Variants in MGMT observed in about 807,000 individuals in gnomAD.
MGMT encodes O-6-methylguanine-DNA methyltransferase.
MGMT carries 14 observed loss-of-function variants against 15.9 expected under a neutral mutation model. That is an observed-to-expected ratio of 0.88 (90% confidence interval 0.58 to 1.37). The LOEUF is 1.37. MGMT is among the 40% of genes most tolerant of loss of function. The pLI is 0.00. For missense variants in MGMT, 282 were observed against 268.1 expected, an observed-to-expected ratio of 1.05 and a Z score of -0.36; for synonymous variants, 130 against 118.2, an observed-to-expected ratio of 1.10 and a Z score of -0.65.
chr10:129,767,470 G>A lies in MGMT; in HGVS notation c.*473G>A, dbSNP rs899206503. The A allele has an allele frequency of 6.5e-6, 1 of 153,736 alleles. No homozygotes were observed. Among genetic ancestry groups the A allele is most frequent in the Non-Finnish European group, 1.4e-5 (1 of 69,186 alleles). 9.5% of individuals were successfully genotyped at this position (153,736 alleles called of 1,614,324 possible). On this transcript the variant is annotated 3_prime_UTR_variant, in exon 5 of 5. Coordinates refer to ENST00000651593, the MANE Select transcript of MGMT (RefSeq NM_002412.5). The stretch of plus-strand genomic sequence containing the variant: ...GCAGTTCCTAGCATCCCACACCCAG[G>A]TCTCACTGAAAGAAAGGGGAACAGG...
intron 3 of MGMT, among the ~76,000 whole-genome samples, chr10:129,747,562 C>A (rs531965007): frequency 6.6e-6 from 1 of 152,164 alleles, no homozygotes; most frequent in Admixed American, 6.5e-5. Flanking sequence ...TCTGATACTG[C>A]ACACCTATTT....
chr10:129,512,530 C>T (rs1286736892), intron 1 of MGMT, among the ~76,000 whole-genome samples: 1 of 152,106 alleles, frequency 6.6e-6, no homozygotes, highest in Non-Finnish European at 1.5e-5. Flanking sequence ...CTTTCATCAT[C>T]AGAGGAATGG....
chr10:129,679,166 G>T (rs1479247325), intron 2 of MGMT, among the ~76,000 whole-genome samples: 1 of 152,076 alleles, frequency 6.6e-6, no homozygotes, highest in African/African-American at 2.4e-5. Context: ...CAAGCAAGCA[G>T]TTCAGATTAA....
intron 2 of MGMT, among the ~76,000 whole-genome samples, chr10:129,598,604 A>G (rs1846780964): frequency 1.3e-5 from 2 of 152,340 alleles, no homozygotes; most frequent in South Asian, 4.1e-4. Flanking sequence ...GTGCTGCCCG[A>G]TTACTAAGCA....
At chr10:129,719,780 G>A (rs779604541) in intron 3 of MGMT, among the ~76,000 whole-genome samples, 1 of 152,168 alleles carries the variant, frequency 6.6e-6, no homozygotes, top group Non-Finnish European at 1.5e-5. Context: ...GCAGAACATA[G>A]TTTAGCCCAT....
Position 129,769,477 on chromosome 10 carries a change from C to T in MGMT, c.*2480C>T, listed in dbSNP as rs901200077. On this transcript the variant is annotated 3_prime_UTR_variant, in exon 5 of 5. Coordinates refer to ENST00000651593, the MANE Select transcript of MGMT (RefSeq NM_002412.5). ...CAGCCTTGGCCCTGGGTCCCCCTCA[C>T]CCTGTCGCATTTCCCAGCACTGTGA... The T allele has an allele frequency of 2.3e-4, 35 of 152,326 alleles. No individual in the cohort carries two copies. Among genetic ancestry groups the T allele is most frequent in the African/African-American group, 8.4e-4 (35 of 41,544 alleles). The allele number at this position is 152,326 out of a possible 1,614,324, so 9.4% of individuals were successfully genotyped here.
At chr10:129,546,315 C>G (rs2119779285) in intron 2 of MGMT, among the ~76,000 whole-genome samples, 1 of 152,286 alleles carries the variant, frequency 6.6e-6, no homozygotes, top group Admixed American at 6.5e-5. Context: ...TGGCAGGGGC[C>G]CAAGCCTAGG....
At chr10:129,673,796 G>A (rs1589928950) in intron 2 of MGMT, among the ~76,000 whole-genome samples, 1 of 152,294 alleles carries the variant, frequency 6.6e-6, no homozygotes, top group East Asian at 1.9e-4. Flanking sequence ...TTTAATGTGA[G>A]TTTAAATATG....
At chr10:129,522,798 T>G (rs894482903) in intron 1 of MGMT, among the ~76,000 whole-genome samples, 1 of 152,226 alleles carries the variant, frequency 6.6e-6, no homozygotes, top group Non-Finnish European at 1.5e-5. Context: ...TGGACGAGAC[T>G]GTCCAGGCTG....
At chr10:129,763,279 C>T (rs1487796424) in intron 4 of MGMT, among the ~76,000 whole-genome samples, 1 of 152,190 alleles carries the variant, frequency 6.6e-6, no homozygotes, top group Non-Finnish European at 1.5e-5. Flanking sequence ...GGTACAGATC[C>T]TTTGAAAATG....
chr10:129,730,883 T>C (rs1464825489), intron 3 of MGMT, among the ~76,000 whole-genome samples: 1 of 152,254 alleles, frequency 6.6e-6, no homozygotes, highest in African/African-American at 2.4e-5. Flanking sequence ...TAATCATTTC[T>C]CTGTAGGCTT....
chr10:129,522,061 GAACCA>G (rs1157371261), intron 1 of MGMT, among the ~76,000 whole-genome samples: 5 of 172 alleles, frequency 0.029, no homozygotes, highest in African/African-American at 0.061. Flanking sequence ...AATGCACACA[GAACCA>G]CAGAACCACA....
chr10:129,507,458 C>A (rs904683003), intron 1 of MGMT, among the ~76,000 whole-genome samples: 2 of 149,334 alleles, frequency 1.3e-5, no homozygotes, highest in African/African-American at 2.6e-5. Flanking sequence ...GAGGCAGGGC[C>A]AGGCTCACTG....
intron 2 of MGMT, among the ~76,000 whole-genome samples, chr10:129,572,098 T>C (rs1278999775): frequency 2.6e-5 from 4 of 152,192 alleles, no homozygotes; most frequent in African/African-American, 9.7e-5. Flanking sequence ...ATGTAAACCA[T>C]GCTGACCATC....
intron 2 of MGMT, among the ~76,000 whole-genome samples, chr10:129,564,539 C>A (rs1846326208): frequency 1.0e-5 from 1 of 97,134 alleles, no homozygotes; most frequent in African/African-American, 4.2e-5. Context: ...TTTCCTCCTC[C>A]ACTTCCTCAT....
intron 3 of MGMT, among the ~76,000 whole-genome samples, chr10:129,734,567 G>A (rs1043958350): frequency 3.9e-5 from 6 of 151,920 alleles, no homozygotes; most frequent in Admixed American, 6.6e-5. Context: ...TCTCCTGCCT[G>A]ATTGCCCTGG....
chr10:129,474,491 G>C (rs763292328), intron 1 of MGMT, among the ~76,000 whole-genome samples: 3 of 152,112 alleles, frequency 2.0e-5, no homozygotes, highest in Non-Finnish European at 4.4e-5. Flanking sequence ...TGCTTTTTAT[G>C]TGAGGGAAGC....
At chr10:129,654,467 A>C (rs1415213451) in intron 2 of MGMT, among the ~76,000 whole-genome samples, 1 of 152,134 alleles carries the variant, frequency 6.6e-6, no homozygotes, top group African/African-American at 2.4e-5. Context: ...TATTGTGTTA[A>C]GTGGACAGAA....
intron 2 of MGMT, among the ~76,000 whole-genome samples, chr10:129,672,480 C>T (rs559948643): frequency 9.2e-5 from 14 of 152,292 alleles, no homozygotes; most frequent in South Asian, 2.1e-4. Context: ...ATTTACGCAT[C>T]GGTACACTTC....
Sources: gnomAD v4.1 joint callset for allele counts (sites outside exome capture counted in the v4.1 genomes callset) on GRCh38, gnomAD v4.1.1 for gene constraint, MANE v1.5 for transcripts, NCBI Gene and HGNC (gene_info 2026-07-23, HGNC 2026-07-21) for gene names.